The following IL19 variants were observed in gnomAD, a reference collection of about 807,000 sequenced individuals.
IL19 encodes the protein interleukin-19.
IL19 carries 15 observed loss-of-function variants against 19.5 expected under a neutral mutation model. The ratio of observed to expected loss-of-function variants is 0.77; its 90% confidence interval spans 0.52 to 1.19. IL19 has a LOEUF of 1.19. Ranked by LOEUF, IL19 falls within the 50% of genes most tolerant of loss-of-function variation. The pLI, the probability that IL19 is intolerant of heterozygous loss-of-function variation, is 0.00. For missense variants in IL19, 199 were observed against 213.1 expected, an observed-to-expected ratio of 0.93 and a Z score of 0.41; for synonymous variants, 78 against 78.3, an observed-to-expected ratio of 1.00 and a Z score of 0.02.
intron 2 of IL19, among the ~76,000 whole-genome samples, chr1:206,807,216 C>T (rs981870143): frequency 1.3e-5 from 2 of 152,196 alleles, no homozygotes; most frequent in Non-Finnish European, 2.9e-5. Flanking sequence ...CACCAGGTCC[C>T]TCCCATGACA....
At chr1:206,771,106 G>A (rs1333164987) in intron 1 of IL19, 28 bp downstream of exon 1, 4 of 1,599,644 alleles carry the variant, frequency 2.5e-6, no homozygotes, top group Non-Finnish European at 3.4e-6. Context: ...GGAGGTGGCT[G>A]GGAGGAGGGG....
At chr1:206,772,264 T>C (rs921462466) in intron 1 of IL19, 3 of 1,612,964 alleles carry the variant, frequency 1.9e-6, no homozygotes, top group Non-Finnish European at 2.5e-6. Context: ...GAAGGAATCA[T>C]ACTCACAAAG....
In IL19 at chr1:206,772,322, A is replaced by G. The variant is rs765862851; in HGVS notation, c.-149+1244A>G. 7 of 1,614,204 alleles carry G rather than the reference A, an allele frequency of 4.3e-6. No individual in the cohort carries two copies. The South Asian group carries it at 7.7e-5, about 18-fold the overall frequency. ...CATCTCGGAGATCTCGAAGCATGTT[A>G]GGCAGGTTGCCTGGGAAGTGGGTGC... is the stretch of plus-strand genomic sequence containing the variant. On this transcript the variant is annotated intron_variant, in intron 1 of 6. Transcript: ENST00000659997.
chr1:206,816,028 GAAAACAAAAC>G (rs145833692), intron 2 of IL19, among the ~76,000 whole-genome samples: 34 of 151,836 alleles, frequency 2.2e-4, no homozygotes, highest in Non-Finnish European at 3.7e-4. Context: ...CTACTGTACT[GAAAACAAAAC>G]AAAACAAAAC....
intron 6 of IL19, among the ~76,000 whole-genome samples, chr1:206,841,395 G>A (rs949550414): frequency 2.0e-5 from 3 of 152,256 alleles, no homozygotes; most frequent in Admixed American, 2.0e-4. Flanking sequence ...CCCATGAAAT[G>A]TGAGCTGTTA....
At chr1:206,775,950 G>A (rs1674979820) in intron 1 of IL19, among the ~76,000 whole-genome samples, 1 of 152,338 alleles carries the variant, frequency 6.6e-6, no homozygotes, top group East Asian at 1.9e-4. Context: ...AAAGGCCTGA[G>A]TCCAGTTTGC....
chr1:206,782,611 G>A (rs914280870), intron 1 of IL19, among the ~76,000 whole-genome samples: 1 of 152,190 alleles, frequency 6.6e-6, no homozygotes, highest in Non-Finnish European at 1.5e-5. Flanking sequence ...GCTCCTGTGA[G>A]CCTCTCACAT....
intron 4 of IL19, among the ~76,000 whole-genome samples, chr1:206,837,534 A>G (rs1336235518): frequency 6.6e-6 from 1 of 152,158 alleles, no homozygotes; most frequent in African/African-American, 2.4e-5. Flanking sequence ...CCCTGGAGCC[A>G]GGCTGAGCCT....
At chr1:206,808,096 T>G (rs1675897586) in intron 2 of IL19, among the ~76,000 whole-genome samples, 1 of 152,220 alleles carries the variant, frequency 6.6e-6, no homozygotes. Flanking sequence ...TTTGGGAGGC[T>G]GAGGCAGGCA....
intron 1 of IL19, among the ~76,000 whole-genome samples, chr1:206,791,813 T>A (rs140104001): frequency 5.3e-5 from 8 of 152,340 alleles, no homozygotes; most frequent in African/African-American, 1.9e-4. Context: ...AACTGAACAC[T>A]TTTAAAAATA....
intron 4 of IL19, 123 bp from the exon 5 acceptor site, chr1:206,839,727 C>T (rs1210745366): frequency 1.1e-5 from 9 of 821,666 alleles, no homozygotes; most frequent in East Asian, 2.4e-5. Flanking sequence ...GAGACCATTA[C>T]GAATTTTTCC....
rs1675022881 is a variant in IL19, at chr1:206,777,078, A to G, written c.-149+6000A>G. Among the ~76,000 whole-genome samples, 5 of 151,972 alleles carry G rather than the reference A, an allele frequency of 3.3e-5. No individual in the cohort carries two copies. The South Asian group carries it at 1.0e-3, about 32-fold the overall frequency. ...AACCCTGTCTCTACTAAAAATAGAA[A>G]AAATTAGCTGGGCGTGGTGGCAGGT... is the stretch of plus-strand genomic sequence containing the variant. On this transcript the variant is annotated intron_variant, in intron 1 of 6. Transcript: ENST00000659997.
intron 2 of IL19, among the ~76,000 whole-genome samples, chr1:206,821,163 C>T (rs910181469): frequency 6.6e-6 from 1 of 152,198 alleles, no homozygotes; most frequent in African/African-American, 2.4e-5. Flanking sequence ...CAGACCATAG[C>T]ATAGTGTGTA....
chr1:206,810,081 C>T (rs1176970427), intron 2 of IL19, among the ~76,000 whole-genome samples: 7 of 152,078 alleles, frequency 4.6e-5, no homozygotes, highest in Non-Finnish European at 1.0e-4. Flanking sequence ...GGACAAAGTC[C>T]GACTCAGAAT....
intron 2 of IL19, among the ~76,000 whole-genome samples, chr1:206,813,469 A>C (rs1181550716): frequency 6.6e-6 from 1 of 152,170 alleles, no homozygotes; most frequent in East Asian, 1.9e-4. Context: ...AGCAATAGCC[A>C]GCCAGTGTCT....
At chr1:206,839,518 G>T (rs1176707780) in intron 4 of IL19, among the ~76,000 whole-genome samples, 4 of 152,156 alleles carry the variant, frequency 2.6e-5, no homozygotes, top group Admixed American at 1.3e-4. Flanking sequence ...GGAGGCAACT[G>T]GTTCCTGGAA....
At chr1:206,827,605 G>A (rs1676469427) in intron 2 of IL19, among the ~76,000 whole-genome samples, 1 of 151,954 alleles carries the variant, frequency 6.6e-6, no homozygotes, top group South Asian at 2.1e-4. Flanking sequence ...CAGGAGAATG[G>A]CATGAACCCC....
At chr1:206,831,168 C>T (rs1242034600) in intron 2 of IL19, among the ~76,000 whole-genome samples, 1 of 152,144 alleles carries the variant, frequency 6.6e-6, no homozygotes, top group Non-Finnish European at 1.5e-5. Flanking sequence ...GCCCTGGCAT[C>T]ATTATGAAAA....
chr1:206,791,373 G>A (rs1471101853), intron 1 of IL19, among the ~76,000 whole-genome samples: 2 of 151,060 alleles, frequency 1.3e-5, no homozygotes, highest in Non-Finnish European at 1.5e-5. Flanking sequence ...CATGATCTTG[G>A]CTCACTGCAA....
Sources: allele counts gnomAD v4.1 joint callset (sites outside exome capture counted in the v4.1 genomes callset), GRCh38; gene constraint gnomAD v4.1.1; transcripts MANE v1.5; gene names NCBI Gene and HGNC (gene_info 2026-07-23, HGNC 2026-07-21).